DCLK2: variants seen among roughly 807,000 people sequenced by gnomAD.
DCLK2 encodes the protein serine/threonine-protein kinase DCLK2.
In DCLK2, 31 loss-of-function variants were observed where a neutral mutation model predicts 78.4. The observed-to-expected ratio is 0.40, with a 90% confidence interval of 0.30 to 0.53. The LOEUF is 0.53. Ranked by LOEUF, DCLK2 falls within the 20% of genes least tolerant of loss-of-function variation. The pLI is 0.61. For synonymous variants in DCLK2, 407 were observed against 374.9 expected (o/e 1.09, Z -0.99); for missense variants, 872 against 973.7 (o/e 0.90, Z 1.39).
Position 150,232,412 on chromosome 4 carries a change from A to T in DCLK2, c.1375A>T (p.Met459Leu). 1.4e-5 allele frequency: 22 copies of T among 1,614,096 alleles called. No individual in the cohort carries two copies. The highest frequency in any genetic ancestry group is 1.9e-5 in the Non-Finnish European group (22 of 1,179,986). The change falls in exon 9 of 16, where the codon ATG (methionine) becomes TTG (leucine). Residue 459 changes from methionine (M) to leucine (L), a missense_variant. Transcript: ENST00000296550. ...CAATATCATTATGCTGGTCGAGGAG[A>T]TGGAAACAGCAACTGAGCTCTTTCT... ...HPNIIMLVEEMETATELFLVM... is the reference protein window; with the variant it reads ...HPNIIMLVEELETATELFLVM...
At chr4:150,168,020 G>A (rs542539857) in intron 2 of DCLK2, among the ~76,000 whole-genome samples, 19 of 152,270 alleles carry the variant, frequency 1.2e-4, no homozygotes, top group Non-Finnish European at 2.6e-4. Flanking sequence ...GAAGGAGGGC[G>A]CAAGACCCCA....
chr4:150,239,618 A>G, intron 10 of DCLK2, 124 bp from the exon 11 acceptor site: 2 of 1,313,018 alleles, frequency 1.5e-6, no homozygotes, highest in Admixed American at 2.2e-5. Flanking sequence ...AAAAATCACA[A>G]GGAGAGATTT....
intron 5 of DCLK2, among the ~76,000 whole-genome samples, chr4:150,217,626 ATCT>A (rs1228777010): frequency 6.6e-6 from 1 of 152,220 alleles, no homozygotes; most frequent in African/African-American, 2.4e-5. Flanking sequence ...ATGTGTCTTC[ATCT>A]TCTTATCCCT....
rs1742828559 is a variant in DCLK2, at chr4:150,240,384, A to T, written c.1701-15A>T. 1 of 1,613,048 alleles carries T rather than the reference A, an allele frequency of 6.2e-7. No homozygotes were observed. The highest frequency in any genetic ancestry group is 8.5e-7 in the Non-Finnish European group (1 of 1,179,368). On this transcript the variant is annotated splice_polypyrimidine_tract_variant and intron_variant, in intron 11 of 15. Transcript: ENST00000296550. ...GCCATCAGTTCTCTCCCCCTCACCCACTTTGTTTTCCTAGCTATGGCCTGA... is the reference window on the plus strand; with the variant it reads ...GCCATCAGTTCTCTCCCCCTCACCCTCTTTGTTTTCCTAGCTATGGCCTGA...
At chr4:150,241,964 G>C (rs1227786581) in intron 12 of DCLK2, among the ~76,000 whole-genome samples, 1 of 152,314 alleles carries the variant, frequency 6.6e-6, no homozygotes, top group Middle Eastern at 3.4e-3. Context: ...TGAACATTTA[G>C]CCTATGGCAT....
At chr4:150,162,548 A>C (rs1735777960) in intron 2 of DCLK2, among the ~76,000 whole-genome samples, 1 of 152,200 alleles carries the variant, frequency 6.6e-6, no homozygotes, top group Admixed American at 6.5e-5. Context: ...GATATTTTAA[A>C]TTAATTTATT....
intron 2 of DCLK2, among the ~76,000 whole-genome samples, chr4:150,134,988 T>A (rs1733590058): frequency 6.6e-6 from 1 of 152,244 alleles, no homozygotes; most frequent in South Asian, 2.1e-4. Flanking sequence ...CTGACTTACC[T>A]AATCCAAGTA....
intron 2 of DCLK2, among the ~76,000 whole-genome samples, chr4:150,168,002 C>CTGGG (rs1469777462): frequency 1.3e-5 from 2 of 152,134 alleles, no homozygotes. Flanking sequence ...AAGGGAAGAA[C>CTGGG]TGGGGGAGAA....
At chr4:150,107,001 G>T (rs1330708997) in intron 2 of DCLK2, among the ~76,000 whole-genome samples, 1 of 152,198 alleles carries the variant, frequency 6.6e-6, no homozygotes, top group East Asian at 1.9e-4. Flanking sequence ...TTTGTCCCTA[G>T]GGCATGTATG....
intron 2 of DCLK2, among the ~76,000 whole-genome samples, chr4:150,174,797 G>A (rs1736826058): frequency 6.6e-6 from 1 of 150,820 alleles, no homozygotes; most frequent in African/African-American, 2.4e-5. Context: ...AGGAGTTCAA[G>A]ACCAGCCTGA....
In DCLK2 at chr4:150,127,185, AT is replaced by A. The variant is rs543618860; in HGVS notation, c.756+24380del. The stretch of plus-strand genomic sequence containing the variant: ...AGGTTTCTCCACCTGTACATTTATA[AT>A]TTTTTTATAGAAATGAATATCTTGC... On this transcript the variant is annotated intron_variant, in intron 2 of 15. Transcript: ENST00000296550. 2.1e-3 allele frequency among the ~76,000 whole-genome samples: 324 copies of A among 152,212 alleles called. 3 individuals are homozygous for A. Among genetic ancestry groups the A allele is most frequent in the Non-Finnish European group, 3.7e-3 (250 of 68,022 alleles).
In DCLK2 at chr4:150,218,942, G is replaced by A. The variant is rs903718895; in HGVS notation, c.1057-1761G>A. Reference sequence around the variant, plus strand: ...CTGGCCAGGCCAAATGGTGGTGCACGCCTGTAATCCCAGCACTTTGGGAGG... The same window carrying A: ...CTGGCCAGGCCAAATGGTGGTGCACACCTGTAATCCCAGCACTTTGGGAGG... On this transcript the variant is annotated intron_variant, in intron 5 of 15. Transcript: ENST00000296550. Among the ~76,000 whole-genome samples, 76 of 152,146 alleles carry A rather than the reference G, an allele frequency of 5.0e-4. 2 individuals carry two copies. The highest frequency in any genetic ancestry group is 3.1e-3 in the Admixed American group (47 of 15,276).
intron 10 of DCLK2, among the ~76,000 whole-genome samples, chr4:150,234,869 A>C (rs1195722359): frequency 6.6e-6 from 1 of 152,160 alleles, no homozygotes; most frequent in Non-Finnish European, 1.5e-5. Context: ...TCTCTCCTCA[A>C]AACAGGCTTC....
intron 12 of DCLK2, among the ~76,000 whole-genome samples, chr4:150,241,645 T>C (rs1350659590): frequency 6.6e-6 from 1 of 152,194 alleles, no homozygotes; most frequent in East Asian, 1.9e-4. Context: ...TAACAAAATA[T>C]CATATACAGT....
chr4:150,220,277 GCAGTTGTCCAT>G (rs2126526217), intron 5 of DCLK2, among the ~76,000 whole-genome samples: 1 of 152,250 alleles, frequency 6.6e-6, no homozygotes. Context: ...TTGAAAAATT[GCAGTTGTCCAT>G]CAGTTGTCAT....
chr4:150,204,254 G>A (rs988292917), intron 5 of DCLK2, among the ~76,000 whole-genome samples: 5 of 152,170 alleles, frequency 3.3e-5, no homozygotes, highest in African/African-American at 1.2e-4. Flanking sequence ...CTTGTTTCGA[G>A]TCATGACTTT....
chr4:150,178,529 GA>G (rs11338433), intron 2 of DCLK2, among the ~76,000 whole-genome samples: 130,540 of 148,256 alleles, frequency 0.88, 57,544 homozygotes, highest in Middle Eastern at 0.93. Flanking sequence ...CTGCTCTAGG[GA>G]AAAAAAAAAA....
chr4:150,086,514 T>TCA (rs1729652310), intron 1 of DCLK2, among the ~76,000 whole-genome samples: 2 of 149,464 alleles, frequency 1.3e-5, no homozygotes, highest in Admixed American at 6.6e-5. Flanking sequence ...TTATTTTTTT[T>TCA]TTTTTTTTTT....
In DCLK2 at chr4:150,175,089, TATATTTATATATA is replaced by T. The variant is rs1176008367; in HGVS notation, c.757-18048_757-18036del. Among the ~76,000 whole-genome samples, 153 of 76,690 alleles carry T rather than the reference TATATTTATATATA, an allele frequency of 2.0e-3. 10 individuals carry two copies. The highest frequency in any genetic ancestry group is 5.2e-3 in the Middle Eastern group (1 of 194). The allele number at this position is 76,690 out of a possible 152,430, so 50.3% of individuals were successfully genotyped here. A position where few individuals can be genotyped will look rare whatever the true frequency, so the allele number is the denominator to read the frequency against. On this transcript the variant is annotated intron_variant, in intron 2 of 15. Coordinates refer to ENST00000296550, the MANE Select transcript of DCLK2 (RefSeq NM_001040260.4). ...TTATATATATTTATATATTTATATA[TATATTTATATATA>T]TTTATATATTTATATTTTTTATATA... is the stretch of plus-strand genomic sequence containing the variant.
Sources: allele counts gnomAD v4.1 joint callset (sites outside exome capture counted in the v4.1 genomes callset), GRCh38; gene constraint gnomAD v4.1.1; transcripts MANE v1.5; gene names NCBI Gene and HGNC (gene_info 2026-07-23, HGNC 2026-07-21).